Variants in CREB3L2 observed in about 807,000 individuals in gnomAD.
CREB3L2 encodes the protein cyclic AMP-responsive element-binding protein 3-like protein 2.
CREB3L2 carries 23 observed loss-of-function variants against 57.2 expected under a neutral mutation model. The ratio of observed to expected loss-of-function variants is 0.40; its 90% CI spans 0.29 to 0.57. CREB3L2 has a LOEUF of 0.57. CREB3L2 is among the 20% of genes least tolerant of loss of function. CREB3L2 has a pLI of 0.42. For synonymous variants in CREB3L2, 268 were observed against 265.1 expected, an observed-to-expected ratio of 1.01 and a Z score of -0.11; for missense variants, 628 against 634.7, an observed-to-expected ratio of 0.99 and a Z score of 0.11.
chr7:137,877,315 T>C lies in CREB3L2; in HGVS notation c.*3161A>G, dbSNP rs1403403086. The C allele has an allele frequency of 4.4e-6, 1 of 227,046 alleles. No homozygotes were observed. Among genetic ancestry groups the C allele is most frequent in the East Asian group, 6.3e-5 (1 of 15,840 alleles). 14.1% of individuals were successfully genotyped at this position (227,046 alleles called of 1,614,324 possible). On this transcript the variant is annotated 3_prime_UTR_variant, in exon 12 of 12. Transcript: ENST00000330387. Reference sequence around the variant, plus strand: ...AAAGGTTATCTAATTTTGCCCATATTGGTGTCAAATCTCATCCCCACTCCC... The same window carrying C: ...AAAGGTTATCTAATTTTGCCCATATCGGTGTCAAATCTCATCCCCACTCCC...
chr7:137,979,056 A>T (rs1308466113), intron 1 of CREB3L2, among the ~76,000 whole-genome samples: 2 of 152,218 alleles, frequency 1.3e-5, no homozygotes, highest in African/African-American at 4.8e-5. Flanking sequence ...AAGAAATTTC[A>T]AAATAGTTGC....
At chr7:137,948,951 A>G (rs538580209) in intron 1 of CREB3L2, among the ~76,000 whole-genome samples, 2 of 152,320 alleles carry the variant, frequency 1.3e-5, no homozygotes, top group South Asian at 4.1e-4. Context: ...TCTGTTACCA[A>G]CTTACACCAT....
At chr7:137,887,259 CCAG>C (rs1160214302) in intron 8 of CREB3L2, among the ~76,000 whole-genome samples, 3 of 152,166 alleles carry the variant, frequency 2.0e-5, no homozygotes, top group Admixed American at 1.3e-4. Context: ...ATCTTCACCC[CCAG>C]CTAGTACCAA....
intron 4 of CREB3L2, among the ~76,000 whole-genome samples, chr7:137,909,737 G>T (rs1027213865): frequency 2.0e-5 from 3 of 152,150 alleles, no homozygotes; most frequent in Non-Finnish European, 4.4e-5. Context: ...ACCCAAAAAA[G>T]ATGACCTTAC....
chr7:137,943,511 C>G (rs561163499), intron 1 of CREB3L2, among the ~76,000 whole-genome samples: 1 of 152,270 alleles, frequency 6.6e-6, no homozygotes, highest in Non-Finnish European at 1.5e-5. Flanking sequence ...AGACTTAAAA[C>G]TACTGTACTA....
chr7:137,952,647 C>G (rs1801124353), intron 1 of CREB3L2, among the ~76,000 whole-genome samples: 1 of 152,016 alleles, frequency 6.6e-6, no homozygotes, highest in Admixed American at 6.6e-5. Flanking sequence ...ACCTACCCCA[C>G]CCCAACTCTA....
At chr7:137,910,599 CG>C (rs1342904960) in intron 4 of CREB3L2, among the ~76,000 whole-genome samples, 2 of 151,970 alleles carry the variant, frequency 1.3e-5, no homozygotes, top group African/African-American at 4.8e-5. Context: ...GGGAAGCAGA[CG>C]AACCTAATAG....
At chr7:137,996,684 T>C (rs1429558634) in intron 1 of CREB3L2, among the ~76,000 whole-genome samples, 1 of 152,240 alleles carries the variant, frequency 6.6e-6, no homozygotes, top group African/African-American at 2.4e-5. Context: ...GGAAGCCAGA[T>C]GGCCTTTCCA....
In CREB3L2 at chr7:137,879,634, TAGGG is replaced by T. The variant is rs1563235032; in HGVS notation, c.*838_*841del. 4.1e-6 allele frequency: 1 copy of T among 245,172 alleles called. No homozygotes were observed. Among genetic ancestry groups the T allele is most frequent in the Non-Finnish European group, 7.9e-6 (1 of 125,838 alleles). The allele number at this position is 245,172 out of a possible 1,614,324, so 15.2% of individuals were successfully genotyped here. ...TGGAAAGACACGGGATCCCAGAGCC[TAGGG>T]TGCCCTCCTAGCTCTGAAGGCTCGC... On this transcript the variant is annotated 3_prime_UTR_variant, in exon 12 of 12. Coordinates refer to ENST00000330387, the MANE Select transcript of CREB3L2 (RefSeq NM_194071.4).
chr7:138,002,005 A>T lies in CREB3L2; in HGVS notation c.-300T>A, dbSNP rs1054978167. 1 of 361,760 alleles carries T rather than the reference A, an allele frequency of 2.8e-6. No homozygotes were observed. Among genetic ancestry groups the T allele is most frequent in the African/African-American group, 2.1e-5 (1 of 48,280 alleles). The allele number at this position is 361,760 out of a possible 1,614,324, so 22.4% of individuals were successfully genotyped here. On this transcript the variant is annotated 5_prime_UTR_variant, in exon 1 of 12. Coordinates refer to ENST00000330387, the MANE Select transcript of CREB3L2 (RefSeq NM_194071.4). ...AAGGCAGAAGACCCGCTCTCATCCC[A>T]GGAAAATCCCTTAGCCGCAAGCCCA...
chr7:137,908,685 G>T (rs113063756), intron 4 of CREB3L2, among the ~76,000 whole-genome samples: 1 of 152,128 alleles, frequency 6.6e-6, no homozygotes, highest in African/African-American at 2.4e-5. Flanking sequence ...ATAAACGTGC[G>T]ACCAGGGGCC....
At chr7:137,918,461 G>A (rs907334977) in intron 2 of CREB3L2, among the ~76,000 whole-genome samples, 10 of 152,160 alleles carry the variant, frequency 6.6e-5, no homozygotes, top group African/African-American at 2.4e-4. Context: ...GATTACAGGT[G>A]TGAGCCACCG....
intron 1 of CREB3L2, among the ~76,000 whole-genome samples, chr7:137,987,159 G>T (rs1801806507): frequency 6.6e-6 from 1 of 152,200 alleles, no homozygotes; most frequent in South Asian, 2.1e-4. Context: ...ATACCATTCA[G>T]GGGTAGGAAG....
chr7:137,943,045 G>T (rs1322669126), intron 1 of CREB3L2, among the ~76,000 whole-genome samples: 1 of 152,164 alleles, frequency 6.6e-6, no homozygotes, highest in Non-Finnish European at 1.5e-5. Flanking sequence ...AGAATGCCTT[G>T]TTTGGAACCA....
At chr7:137,924,299 T>G (rs1800399533) in intron 2 of CREB3L2, among the ~76,000 whole-genome samples, 2 of 152,322 alleles carry the variant, frequency 1.3e-5, no homozygotes, top group South Asian at 4.1e-4. Context: ...CTGTTGATAG[T>G]CTATATAATC....
At chr7:137,962,028 C>G (rs1449949275) in intron 1 of CREB3L2, among the ~76,000 whole-genome samples, 1 of 152,164 alleles carries the variant, frequency 6.6e-6, no homozygotes, top group African/African-American at 2.4e-5. Flanking sequence ...CCTCCACGCG[C>G]CTGCTCTGCT....
chr7:137,996,841 A>G (rs1344101042), intron 1 of CREB3L2, among the ~76,000 whole-genome samples: 1 of 152,246 alleles, frequency 6.6e-6, no homozygotes, highest in Admixed American at 6.5e-5. Context: ...CTTTATAGGA[A>G]TTCTGCATTT....
intron 1 of CREB3L2, among the ~76,000 whole-genome samples, chr7:137,937,044 G>A (rs775162381): frequency 1.2e-4 from 19 of 152,114 alleles, no homozygotes; most frequent in Non-Finnish European, 1.9e-4. Flanking sequence ...AAGGCCTGCC[G>A]GGGCTCCTTC....
At chr7:137,927,074 A>C (rs1036827822) in intron 2 of CREB3L2, among the ~76,000 whole-genome samples, 1 of 152,026 alleles carries the variant, frequency 6.6e-6, no homozygotes, top group Non-Finnish European at 1.5e-5. Flanking sequence ...GAATGACTAC[A>C]TGAGAGCCCA....
Sources: allele counts gnomAD v4.1 joint callset (sites outside exome capture counted in the v4.1 genomes callset), GRCh38; gene constraint gnomAD v4.1.1; transcripts MANE v1.5; gene names NCBI Gene and HGNC (gene_info 2026-07-23, HGNC 2026-07-21).